CDYL: variants seen among roughly 807,000 people sequenced by gnomAD.
CDYL encodes the protein chromodomain Y-like protein.
CDYL carries 8 observed loss-of-function variants against 47.3 expected under a neutral mutation model. The observed-to-expected ratio is 0.17, with a 90% CI of 0.10 to 0.31. The LOEUF is 0.31. CDYL is among the 10% of genes least tolerant of loss of function. The pLI is 1.00. For missense variants in CDYL, 471 were observed against 701.4 expected (o/e 0.67, Z 3.71); for synonymous variants, 266 against 265.0 (o/e 1.00, Z -0.04).
upstream of CDYL, among the ~76,000 whole-genome samples, chr6:4,775,054 G>A (rs980101673): frequency 6.6e-6 from 1 of 152,178 alleles, no homozygotes; most frequent in Non-Finnish European, 1.5e-5. The surrounding 1 kb of genome is among the most constrained non-coding windows in gnomAD (Gnocchi z 7.0). Flanking sequence ...CTGTTGGGGG[G>A]CACAAACGAA....
intron 1 of CDYL, among the ~76,000 whole-genome samples, chr6:4,843,773 C>T (rs1424873629): frequency 6.6e-6 from 1 of 152,158 alleles, no homozygotes; most frequent in Non-Finnish European, 1.5e-5. Context: ...TTACCATTCT[C>T]TGGTGCCTCC....
intron 1 of CDYL, among the ~76,000 whole-genome samples, chr6:4,804,476 C>G (rs934109037): frequency 1.3e-5 from 2 of 152,150 alleles, no homozygotes; most frequent in South Asian, 2.1e-4. Flanking sequence ...GTCTTACGAC[C>G]GCATCTCCAG....
At chr6:4,756,072 T>C (rs1396196967) in intron 3 of CDYL, among the ~76,000 whole-genome samples, 1 of 152,186 alleles carries the variant, frequency 6.6e-6, no homozygotes, top group African/African-American at 2.4e-5. Context: ...TTCCTTCCTC[T>C]AGTTCACACA....
At chr6:4,728,289 G>C (rs1015804014) in intron 2 of CDYL, among the ~76,000 whole-genome samples, 1 of 152,092 alleles carries the variant, frequency 6.6e-6, no homozygotes, top group African/African-American at 2.4e-5. Flanking sequence ...ACTTTGCCTC[G>C]GGCTCACCCC....
At chr6:4,849,532 CTAAGT>C (rs1249735887) in intron 1 of CDYL, among the ~76,000 whole-genome samples, 2 of 152,038 alleles carry the variant, frequency 1.3e-5, no homozygotes, top group East Asian at 1.9e-4. Context: ...TGTTATGTTG[CTAAGT>C]TATTTGGGGG....
chr6:4,814,747 T>C (rs1759623242), intron 1 of CDYL, among the ~76,000 whole-genome samples: 1 of 152,186 alleles, frequency 6.6e-6, no homozygotes, highest in Non-Finnish European at 1.5e-5. Context: ...GCTCTCGAAC[T>C]CCTTGCCTCA....
chr6:4,796,767 C>T (rs1360540868), intron 1 of CDYL, among the ~76,000 whole-genome samples: 1 of 152,148 alleles, frequency 6.6e-6, no homozygotes, highest in African/African-American at 2.4e-5. Flanking sequence ...GTCTTGAGAG[C>T]ACCATATAAC....
intron 1 of CDYL, among the ~76,000 whole-genome samples, chr6:4,888,845 G>A (rs1402361265): frequency 1.3e-5 from 2 of 152,110 alleles, no homozygotes; most frequent in East Asian, 1.9e-4. Context: ...TTGGGGGGAG[G>A]TGGCCCATTG....
chr6:4,798,096 C>T (rs114258114), intron 1 of CDYL, among the ~76,000 whole-genome samples: 6,559 of 152,114 alleles, frequency 0.043, 197 homozygotes, highest in Admixed American at 0.069. Context: ...CCTCAGCCTC[C>T]TAGGTAGCTA....
At chr6:4,766,491 G>T (rs1163022964) in intron 3 of CDYL, among the ~76,000 whole-genome samples, 1 of 152,100 alleles carries the variant, frequency 6.6e-6, no homozygotes, top group Non-Finnish European at 1.5e-5. Flanking sequence ...GATTACAGGT[G>T]TGAGCCATGG....
At chr6:4,871,801 C>G (rs1761482475) in intron 1 of CDYL, among the ~76,000 whole-genome samples, 1 of 152,212 alleles carries the variant, frequency 6.6e-6, no homozygotes, top group East Asian at 1.9e-4. Context: ...CCTAGTCTGT[C>G]TGACACTCAT....
intron 1 of CDYL, among the ~76,000 whole-genome samples, chr6:4,853,964 C>A (rs369420358): frequency 6.6e-6 from 1 of 152,236 alleles, no homozygotes; most frequent in South Asian, 2.1e-4. Context: ...AAATTCAGCA[C>A]AGATGGGCTT....
intron 3 of CDYL, among the ~76,000 whole-genome samples, chr6:4,740,440 C>A (rs954278959): frequency 1.3e-5 from 2 of 152,156 alleles, no homozygotes; most frequent in East Asian, 1.9e-4. Context: ...TGCTGAACAT[C>A]CTGAGATTCT....
At chr6:4,721,641 A>G (rs1372793332) in intron 2 of CDYL, among the ~76,000 whole-genome samples, 1 of 152,004 alleles carries the variant, frequency 6.6e-6, no homozygotes, top group Non-Finnish European at 1.5e-5. Context: ...TCAGCCTCCA[A>G]AAGTGCTGGG....
chr6:4,917,152 T>C (rs1416298245), intron 2 of CDYL, among the ~76,000 whole-genome samples: 1 of 152,234 alleles, frequency 6.6e-6, no homozygotes, highest in Non-Finnish European at 1.5e-5. Context: ...CCTTATGGTT[T>C]TGGGGTGGTT....
At chr6:4,808,751 C>T (rs1319764618) in intron 1 of CDYL, among the ~76,000 whole-genome samples, 2 of 152,188 alleles carry the variant, frequency 1.3e-5, no homozygotes, top group Admixed American at 6.5e-5. Context: ...ATTTTGTGTA[C>T]GGCTCTTTTT....
At chr6:4,802,676 G>A (rs550108540) in intron 1 of CDYL, among the ~76,000 whole-genome samples, 11 of 152,202 alleles carry the variant, frequency 7.2e-5, no homozygotes, top group East Asian at 1.9e-4. Flanking sequence ...TTTCATGAGC[G>A]TGTCTTTCTG....
intron 3 of CDYL, among the ~76,000 whole-genome samples, 170 bp from the exon 4 acceptor site, chr6:4,937,395 C>T (rs951228982): frequency 6.6e-6 from 1 of 152,042 alleles, no homozygotes; most frequent in South Asian, 2.1e-4. Flanking sequence ...ACTTAGGAGG[C>T]GGAGGCGGGA....
intron 1 of CDYL, among the ~76,000 whole-genome samples, chr6:4,797,325 T>A (rs1759099128): frequency 6.6e-6 from 1 of 152,150 alleles, no homozygotes; most frequent in South Asian, 2.1e-4. Context: ...TACTTAAATT[T>A]CCCGACATTT....
Sources: gnomAD v4.1 joint callset for allele counts (sites outside exome capture counted in the v4.1 genomes callset) on GRCh38, gnomAD v4.1.1 for gene constraint, Gnocchi (gnomAD v3.1) non-coding constraint, MANE v1.5 for transcripts, NCBI Gene and HGNC (gene_info 2026-07-23, HGNC 2026-07-21) for gene names.